The following EML4 variants were observed in gnomAD, a reference collection of about 807,000 sequenced individuals.
The protein encoded by EML4 is echinoderm microtubule-associated protein-like 4.
In EML4, 72 loss-of-function variants were observed where a neutral mutation model predicts 129.0. The observed-to-expected ratio is 0.56, with a 90% CI of 0.46 to 0.68. The LOEUF (loss-of-function observed/expected upper bound fraction) is 0.68, where lower values mean the gene tolerates loss of function less well. Among genes scored for constraint, EML4 ranks in the 30% least tolerant of loss-of-function variants. The probability of loss-of-function intolerance (pLI) is 0.00; values close to 1 mark genes in which losing one functional copy is unlikely to be tolerated. For missense variants in EML4, 1,363 were observed against 1,190.6 expected (o/e 1.14, Z -2.13); for synonymous variants, 532 against 405.0 (o/e 1.31, Z -3.77).
At chr2:42,310,132 A>T (rs191182553) in intron 17 of EML4, among the ~76,000 whole-genome samples, 37 of 152,268 alleles carry the variant, frequency 2.4e-4, no homozygotes, top group Admixed American at 1.7e-3. Flanking sequence ...TTTGAAAACA[A>T]ATTGGCCAAA....
At chr2:42,315,880 CA>C (rs200655876) in intron 17 of EML4, 81 bp from the exon 18 acceptor site, 6,518 of 863,188 alleles carry the variant, frequency 7.6e-3, no homozygotes, top group South Asian at 9.3e-3. Context: ...GACTCCATCT[CA>C]AAAAAAAAAG....
chr2:42,204,928 G>C, intron 1 of EML4, among the ~76,000 whole-genome samples: 1 of 152,102 alleles, frequency 6.6e-6, no homozygotes, highest in South Asian at 2.1e-4. Flanking sequence ...AGATTATGGG[G>C]TCCCTTTAAT....
intron 1 of EML4, among the ~76,000 whole-genome samples, chr2:42,171,876 T>G (rs1670302482): frequency 6.6e-6 from 1 of 151,116 alleles, no homozygotes; most frequent in Non-Finnish European, 1.5e-5. Context: ...GGGGGAGGAG[T>G]AGTGCTGGTA....
chr2:42,201,829 C>T (rs181409317), intron 1 of EML4, among the ~76,000 whole-genome samples: 4 of 152,292 alleles, frequency 2.6e-5, no homozygotes, highest in African/African-American at 9.6e-5. Flanking sequence ...GGCCTGTAAT[C>T]CCAGCACTTT....
At chr2:42,327,439 T>G (rs1368530888) in intron 21 of EML4, among the ~76,000 whole-genome samples, 2 of 152,248 alleles carry the variant, frequency 1.3e-5, no homozygotes, top group Non-Finnish European at 2.9e-5. Context: ...CCACAGTGAC[T>G]ACATTTACAT....
chr2:42,274,699 C>G (rs1304781910), intron 6 of EML4, among the ~76,000 whole-genome samples: 1 of 152,182 alleles, frequency 6.6e-6, no homozygotes, highest in African/African-American at 2.4e-5. Context: ...CCTGAGATAA[C>G]TGTCCCAAAA....
intron 11 of EML4, among the ~76,000 whole-genome samples, chr2:42,294,052 T>C (rs1233463737): frequency 6.6e-6 from 1 of 152,246 alleles, no homozygotes; most frequent in Non-Finnish European, 1.5e-5. Flanking sequence ...TTCACCTCAG[T>C]GTTAAGTTTG....
intron 6 of EML4, among the ~76,000 whole-genome samples, chr2:42,268,431 T>A (rs1354345170): frequency 6.6e-6 from 1 of 152,140 alleles, no homozygotes; most frequent in Non-Finnish European, 1.5e-5. Flanking sequence ...ATTTATTTCA[T>A]TTCAAATTTA....
chr2:42,287,752 C>G (rs758287266), intron 10 of EML4, among the ~76,000 whole-genome samples: 22 of 152,120 alleles, frequency 1.4e-4, no homozygotes, highest in Non-Finnish European at 7.4e-5. Context: ...AGTCAGGTAT[C>G]TCACAGAAAA....
At chr2:42,227,740 CTT>C (rs1366156938) in intron 1 of EML4, among the ~76,000 whole-genome samples, 1 of 152,184 alleles carries the variant, frequency 6.6e-6, no homozygotes, top group Non-Finnish European at 1.5e-5. Flanking sequence ...AAGCTGAAGA[CTT>C]TTATGAACAT....
intron 1 of EML4, among the ~76,000 whole-genome samples, chr2:42,176,635 A>T (rs1670618352): frequency 6.6e-6 from 1 of 152,158 alleles, no homozygotes; most frequent in African/African-American, 2.4e-5. Flanking sequence ...ACTTCTTTTC[A>T]TTCCCAGCCC....
At chr2:42,245,768 G>T in intron 2 of EML4, 81 bp downstream of exon 2, 2 of 1,289,510 alleles carry the variant, frequency 1.6e-6, no homozygotes, top group African/African-American at 1.5e-5. Flanking sequence ...TATAAAACTA[G>T]TTTCTTATGT....
Position 42,279,900 on chromosome 2 carries a change from G to A in EML4, c.668-950G>A, listed in dbSNP as rs372652410. Among the ~76,000 whole-genome samples, 7 of 152,066 alleles carry A rather than the reference G, an allele frequency of 4.6e-5. No individual in the cohort carries two copies. The East Asian group carries it at 1.4e-3, about 29-fold the overall frequency. On this transcript the variant is annotated intron_variant, in intron 6 of 22. Coordinates refer to ENST00000318522, the MANE Select transcript of EML4 (RefSeq NM_019063.5). Reference sequence around the variant, plus strand: ...ATGTTGAACAGTTTTTTGTATACCTGTTGGCCATTTTTATGTCTTTGGAGA... The same window carrying A: ...ATGTTGAACAGTTTTTTGTATACCTATTGGCCATTTTTATGTCTTTGGAGA...
Position 42,282,984 on chromosome 2 carries a change from T to C in EML4, c.941+12T>C. ...GACTGTGTGAAATGGTTGGTATCAT[T>C]TAACATTGGTTCATTTTTGTTCTTT... On this transcript the variant is annotated intron_variant, in intron 8 of 22. Coordinates refer to ENST00000318522, the MANE Select transcript of EML4 (RefSeq NM_019063.5). 6.3e-7 allele frequency: 1 copy of C among 1,578,730 alleles called. No homozygotes were observed.
At chr2:42,219,081 A>T (rs773889741) in intron 1 of EML4, among the ~76,000 whole-genome samples, 4 of 152,230 alleles carry the variant, frequency 2.6e-5, no homozygotes, top group Non-Finnish European at 5.9e-5. Context: ...TTACACACCA[A>T]TGACTCTTGG....
intron 1 of EML4, among the ~76,000 whole-genome samples, chr2:42,192,095 G>T (rs1209136635): frequency 2.0e-5 from 3 of 147,772 alleles, no homozygotes; most frequent in Non-Finnish European, 3.0e-5. Flanking sequence ...CCGAGATCAG[G>T]CCATTGCAAT....
At chr2:42,271,542 C>G (rs1280769730) in intron 6 of EML4, among the ~76,000 whole-genome samples, 2 of 152,170 alleles carry the variant, frequency 1.3e-5, no homozygotes, top group East Asian at 1.9e-4. Context: ...CTTCTAAGAA[C>G]ATGTTCTTGA....
Position 42,215,464 on chromosome 2 carries a change from T to C in EML4, c.26-30041T>C, listed in dbSNP as rs371945988. Among the ~76,000 whole-genome samples, 3 of 152,194 alleles carry C rather than the reference T, an allele frequency of 2.0e-5. No individual in the cohort carries two copies. In the East Asian group the frequency reaches 5.8e-4, roughly 29 times the overall value. ...ACCTATAAAAGCTTCCAGGGTACTCTGCAAATTTATTTCATTTTCTCTTGA... is the reference window on the plus strand; with the variant it reads ...ACCTATAAAAGCTTCCAGGGTACTCCGCAAATTTATTTCATTTTCTCTTGA... On this transcript the variant is annotated intron_variant, in intron 1 of 22. Transcript: ENST00000318522.
chr2:42,184,950 C>T lies in EML4; in HGVS notation c.25+15314C>T, dbSNP rs991986289. Among the ~76,000 whole-genome samples the T allele has an allele frequency of 4.6e-5, 7 of 152,236 alleles. No individual in the cohort carries two copies. In the South Asian group the frequency reaches 6.2e-4, roughly 14 times the overall value. On this transcript the variant is annotated intron_variant, in intron 1 of 22. Coordinates refer to ENST00000318522, the MANE Select transcript of EML4 (RefSeq NM_019063.5). ...ATATCCAGTGCCTAACCGCTTTGGC[C>T]GATGGGAAAACCATAGGATCAGTGG...
Sources: gnomAD v4.1 joint callset for allele counts (sites outside exome capture counted in the v4.1 genomes callset) on GRCh38, gnomAD v4.1.1 for gene constraint, MANE v1.5 for transcripts, NCBI Gene and HGNC (gene_info 2026-07-23, HGNC 2026-07-21) for gene names.